CPZ: variants seen among roughly 807,000 people sequenced by gnomAD.
The protein encoded by CPZ is VEZT/CPZ fusion.
In CPZ, 103 loss-of-function variants were observed where a neutral mutation model predicts 61.8. The ratio of observed to expected loss-of-function variants is 1.67; its 90% CI spans 1.42 to 1.96. The LOEUF is 1.96. Among genes scored for constraint, CPZ ranks in the 30% most tolerant of loss-of-function variants. CPZ has a pLI of 0.00. For missense variants in CPZ, 1,461 were observed against 914.9 expected (o/e 1.60, Z -7.70); for synonymous variants, 551 against 373.7 (o/e 1.47, Z -5.47).
chr4:8,619,624 C>G lies in CPZ; in HGVS notation c.*7C>G, dbSNP rs112995933. The G allele has an allele frequency of 3.4e-3, 4,965 of 1,479,516 alleles. 13 individuals are homozygous for G. Among genetic ancestry groups the G allele is most frequent in the Non-Finnish European group, 4.1e-3 (4,624 of 1,116,618 alleles). The allele number at this position is 1,479,516 out of a possible 1,614,324, so 91.6% of individuals were successfully genotyped here. On this transcript the variant is annotated 3_prime_UTR_variant, in exon 11 of 11. Transcript: ENST00000360986. ...CTGGCTGCTCAAGTACTAGCCCCGG[C>G]CCCAGCACCCGCCAGGATGTGGAGA...
At chr4:8,616,010 G>C (rs1346521690) in intron 9 of CPZ, among the ~76,000 whole-genome samples, 1 of 152,180 alleles carries the variant, frequency 6.6e-6, no homozygotes, top group Non-Finnish European at 1.5e-5. Context: ...ATTGCATTTT[G>C]CGGCTGTCTG....
chr4:8,614,309 GTC>G, intron 8 of CPZ, 48 bp from the exon 9 acceptor site: 1 of 1,584,754 alleles, frequency 6.3e-7, no homozygotes, highest in Non-Finnish European at 8.6e-7. Context: ...CGTCCCGGCT[GTC>G]TCTGTGCGGC....
chr4:8,617,248 G>A (rs944635699), intron 9 of CPZ, among the ~76,000 whole-genome samples: 4 of 152,302 alleles, frequency 2.6e-5, no homozygotes, highest in African/African-American at 9.6e-5. Context: ...GAGCTGCTTT[G>A]GCCTCATGAA....
chr4:8,592,892 CG>C lies in CPZ; in HGVS notation c.63del (p.Cys22AlafsTer61). 6.5e-7 allele frequency: 1 copy of C among 1,534,436 alleles called. No individual in the cohort carries two copies. On this transcript the variant is annotated frameshift_variant, in exon 1 of 11. Transcript: ENST00000360986. LOFTEE classifies it high-confidence loss of function. ...LTVLVVAAAR[P>X]GCEFERNPAG... ...GTCCTGGTCGTCGCCGCTGCCCGGC[CG>C]GGGTGCGAGTTTGAGCGGAACCCCG...
At chr4:8,612,205 G>GGGGGGGGGGGGGGGGGGGGGGGGGGGGGC in intron 8 of CPZ, 43 bp downstream of exon 8, 2 of 202,856 alleles carry the variant, frequency 9.9e-6, no homozygotes, top group Non-Finnish European at 9.6e-6. Context: ...GGTGGGGGGT[G>GGGGGGGGGGGGGGGGGGGGGGGGGGGGGC]CAGGGGCTGG....
At chr4:8,601,531 G>A (rs766474487) in intron 3 of CPZ, 34 bp downstream of exon 3, 8 of 1,436,370 alleles carry the variant, frequency 5.6e-6, no homozygotes, top group Admixed American at 2.6e-5. Flanking sequence ...GTGTGGTCAT[G>A]GGGTCCAGGT....
intron 7 of CPZ, among the ~76,000 whole-genome samples, chr4:8,608,115 ATC>A (rs1256673140): frequency 7.0e-6 from 1 of 143,706 alleles, no homozygotes; most frequent in Non-Finnish European, 1.5e-5. Context: ...AGGGGTTGTG[ATC>A]TGAGGTGGGC....
intron 10 of CPZ, among the ~76,000 whole-genome samples, chr4:8,618,939 C>T (rs753264160): frequency 1.3e-5 from 2 of 149,528 alleles, no homozygotes; most frequent in African/African-American, 2.5e-5. Context: ...TGAAAAATGA[C>T]GGTATGCTGT....
intron 1 of CPZ, chr4:8,597,613 AC>A: frequency 6.6e-6 from 1 of 152,256 alleles, no homozygotes; most frequent in Non-Finnish European, 1.5e-5. Flanking sequence ...ACACTGCAGC[AC>A]CCCTCTTGGG....
chr4:8,617,508 G>T (rs62288590), intron 9 of CPZ, among the ~76,000 whole-genome samples: 11 of 152,208 alleles, frequency 7.2e-5, no homozygotes, highest in Non-Finnish European at 1.3e-4. Flanking sequence ...TCGACATAAA[G>T]ATGAATATAT....
intron 4 of CPZ, among the ~76,000 whole-genome samples, chr4:8,605,700 T>G (rs568088823): frequency 6.9e-6 from 1 of 145,650 alleles, no homozygotes; most frequent in South Asian, 2.2e-4. Context: ...TTTGACTTAT[T>G]ACACAAACAT....
intron 1 of CPZ, among the ~76,000 whole-genome samples, chr4:8,597,138 C>G (rs553421449): frequency 3.9e-5 from 6 of 152,144 alleles, no homozygotes; most frequent in African/African-American, 1.4e-4. Flanking sequence ...GATGAGACCA[C>G]GGGTCAGCTG....
intron 4 of CPZ, 48 bp downstream of exon 4, chr4:8,604,236 C>T (rs866860096): frequency 6.8e-7 from 1 of 1,468,522 alleles, no homozygotes; most frequent in Non-Finnish European, 9.1e-7. Context: ...CGGGAAAGGG[C>T]TTGGGCCGCT....
intron 6 of CPZ, 66 bp downstream of exon 6, chr4:8,606,964 C>T (rs908273900): frequency 1.3e-6 from 2 of 1,502,998 alleles, no homozygotes; most frequent in Middle Eastern, 1.8e-4. Flanking sequence ...TTATTCCAGG[C>T]TCTCTGGAGT....
intron 1 of CPZ, among the ~76,000 whole-genome samples, chr4:8,594,259 G>A (rs1714012180): frequency 6.6e-6 from 1 of 152,184 alleles, no homozygotes; most frequent in African/African-American, 2.4e-5. Flanking sequence ...CCAGCCCACA[G>A]GCAGAAGTGG....
In CPZ at chr4:8,612,156, A is replaced by G. The variant is rs770096765; in HGVS notation, c.1357A>G (p.Thr453Ala). The G allele has an allele frequency of 3.4e-6, 4 of 1,163,500 alleles. No individual in the cohort carries two copies. The South Asian group carries it at 5.9e-5, about 17-fold the overall frequency. 72.1% of individuals were successfully genotyped at this position (1,163,500 alleles called of 1,614,324 possible). ...CAACGGGGCGGACTGGTACAGCTTC[A>G]CGGGAGGTGCGGCTTCCGCAGGGCG... ...IINGADWYSF[T>A]GGMSDFNYLH... The change falls in exon 8 of 11, where the codon ACG becomes GCG. Residue 453 changes from threonine (T) to alanine (A), a missense_variant. Thr to Ala is a moderately conservative substitution (Grantham distance 58). Coordinates refer to ENST00000360986, the MANE Select transcript of CPZ (RefSeq NM_001014447.3).
chr4:8,599,367 C>T (rs1714405450), intron 1 of CPZ, 86 bp from the exon 2 acceptor site: 1 of 1,476,034 alleles, frequency 6.8e-7, no homozygotes, highest in Non-Finnish European at 9.1e-7. Context: ...TGGTCCCTAC[C>T]TGCACTCAGG....
chr4:8,607,768 G>T (rs564001942), intron 7 of CPZ, among the ~76,000 whole-genome samples: 21 of 152,162 alleles, frequency 1.4e-4, no homozygotes, highest in African/African-American at 3.4e-4. Context: ...GCTTCCCACC[G>T]CAGAGGGGTG....
chr4:8,614,874 G>C (rs1454181058), intron 9 of CPZ, among the ~76,000 whole-genome samples: 2 of 152,060 alleles, frequency 1.3e-5, no homozygotes, highest in Non-Finnish European at 2.9e-5. Flanking sequence ...TCTTGAAGAA[G>C]GGTAGGAGAA....
Sources: allele counts gnomAD v4.1 joint callset (sites outside exome capture counted in the v4.1 genomes callset), GRCh38; gene constraint gnomAD v4.1.1; transcripts MANE v1.5; gene names NCBI Gene and HGNC (gene_info 2026-07-23, HGNC 2026-07-21).